The following RAB11FIP3 variants were observed in gnomAD, a reference collection of about 807,000 sequenced individuals.
RAB11FIP3 encodes the protein rab11 family-interacting protein 3.
Under a neutral mutation model 77.8 loss-of-function variants are expected in RAB11FIP3, and 17 were observed. The ratio of observed to expected loss-of-function variants is 0.22; its 90% CI spans 0.15 to 0.33. The LOEUF is 0.33. Ranked by LOEUF, RAB11FIP3 falls within the 10% of genes least tolerant of loss-of-function variation. The probability of loss-of-function intolerance (pLI) is 1.00; values close to 1 mark genes in which losing one functional copy is unlikely to be tolerated. For synonymous variants in RAB11FIP3, 437 were observed against 448.2 expected (o/e 0.98, Z 0.31); for missense variants, 1,005 against 1,011.2 (o/e 0.99, Z 0.08).
In RAB11FIP3 at chr16:461,960, T is replaced by C. The variant is rs916746821; in HGVS notation, c.808+463T>C. 6.6e-6 allele frequency among the ~76,000 whole-genome samples: 1 copy of C among 152,228 alleles called. No homozygotes were observed. Among genetic ancestry groups the C allele is most frequent in the Non-Finnish European group, 1.5e-5 (1 of 68,044 alleles). ...CTTCCGCGCACACCGCCCTGAACAC[T>C]GCAGCCCGTACCACCATCGTTCCCT... is the stretch of plus-strand genomic sequence containing the variant. On this transcript the variant is annotated intron_variant, in intron 2 of 13. Coordinates refer to ENST00000262305, the MANE Select transcript of RAB11FIP3 (RefSeq NM_014700.4). The surrounding 1 kb of genome is among the most constrained non-coding windows in gnomAD (Gnocchi z 4.5).
At chr16:449,330 G>C (rs1386881307) in intron 1 of RAB11FIP3, among the ~76,000 whole-genome samples, 8 of 152,160 alleles carry the variant, frequency 5.3e-5, no homozygotes, top group Admixed American at 3.3e-4. Flanking sequence ...AGCTCCTTGA[G>C]GTTATAGAAC....
intron 1 of RAB11FIP3, among the ~76,000 whole-genome samples, chr16:427,579 T>C (rs2054970129): frequency 6.6e-6 from 1 of 152,258 alleles, no homozygotes; most frequent in Admixed American, 6.5e-5. Flanking sequence ...GTGTGTGTTC[T>C]GCCAATAACC....
At chr16:489,115 T>C in intron 5 of RAB11FIP3, 115 bp downstream of exon 5, 1 of 1,241,052 alleles carries the variant, frequency 8.1e-7, no homozygotes, top group Non-Finnish European at 1.1e-6. Flanking sequence ...CTTGACGTCA[T>C]GTGATTAAGT....
At chr16:520,637 C>T in intron 13 of RAB11FIP3, 38 bp downstream of exon 13, 1 of 1,610,824 alleles carries the variant, frequency 6.2e-7, no homozygotes. Context: ...GGCCTGGGGT[C>T]CACAGTCTGC....
At chr16:477,624 C>T (rs1297023455) in intron 3 of RAB11FIP3, 1 of 985,316 alleles carries the variant, frequency 1.0e-6, no homozygotes, top group Non-Finnish European at 1.2e-6. Context: ...CTGGGCCCTG[C>T]CGTCCTGCAG....
At chr16:440,267 T>A (rs2974815) in intron 1 of RAB11FIP3, among the ~76,000 whole-genome samples, 8,875 of 152,286 alleles carry the variant, frequency 0.058, 267 homozygotes, top group Non-Finnish European at 0.068. Flanking sequence ...AATTTCTGTG[T>A]TCCTTTTTCT....
chr16:482,593 G>A lies in RAB11FIP3; in HGVS notation c.972G>A (p.Thr324=), dbSNP rs371667130. Residue 324 remains threonine (T), a synonymous_variant, in exon 4 of 14, where the codon ACG becomes ACA. Transcript: ENST00000262305. Reference sequence around the variant, plus strand: ...CCTACAGTGAGTGTGAGACCTTCACGGACGAGGACACCAGCACCCTGGTGC... The same window carrying A: ...CCTACAGTGAGTGTGAGACCTTCACAGACGAGGACACCAGCACCCTGGTGC... ...ESTYSECETF[T]DEDTSTLVHP... 4.2e-5 allele frequency: 68 copies of A among 1,613,496 alleles called. No individual in the cohort carries two copies. In the East Asian group the frequency reaches 4.2e-4, roughly 10 times the overall value.
chr16:500,453 C>T (rs986894317), intron 6 of RAB11FIP3, among the ~76,000 whole-genome samples: 5 of 151,926 alleles, frequency 3.3e-5, no homozygotes, highest in East Asian at 1.9e-4. Flanking sequence ...GGGGCCGAGG[C>T]GCACAGATCA....
intron 1 of RAB11FIP3, among the ~76,000 whole-genome samples, chr16:450,994 CTT>C (rs1416509126): frequency 2.0e-5 from 3 of 152,036 alleles, no homozygotes; most frequent in Admixed American, 6.6e-5. Context: ...TGTGTGGACT[CTT>C]TGGTTGCTTT....
intron 1 of RAB11FIP3, among the ~76,000 whole-genome samples, chr16:431,355 C>T (rs1445345773): frequency 6.6e-6 from 1 of 151,610 alleles, no homozygotes; most frequent in African/African-American, 2.4e-5. Flanking sequence ...ATAACATTCC[C>T]ATTATTTTAC....
chr16:497,094 G>C, intron 6 of RAB11FIP3: 8 of 550,834 alleles, frequency 1.5e-5, no homozygotes, highest in Non-Finnish European at 2.4e-5. Context: ...AGCTTTTGGT[G>C]CTGGGCCTCT....
At chr16:455,426 A>G (rs893002034) in intron 1 of RAB11FIP3, among the ~76,000 whole-genome samples, 5 of 151,198 alleles carry the variant, frequency 3.3e-5, no homozygotes, top group Non-Finnish European at 7.4e-5. Context: ...GTGAGCTGAG[A>G]TCACACCACT....
intron 1 of RAB11FIP3, among the ~76,000 whole-genome samples, chr16:436,337 A>G (rs7204572): frequency 0.59 from 89,085 of 152,044 alleles, 26,373 homozygotes; most frequent in East Asian, 0.69. Flanking sequence ...TGGGATCTCA[A>G]TTTGTTGTCT....
Position 520,178 on chromosome 16 carries a change from C to G in RAB11FIP3, c.1917C>G (p.Ala639=). 1 of 1,546,692 alleles carries G rather than the reference C, an allele frequency of 6.5e-7. No individual in the cohort carries two copies. Among genetic ancestry groups the G allele is most frequent in the Non-Finnish European group, 8.7e-7 (1 of 1,148,160 alleles). Reference sequence around the variant, plus strand: ...ACCTGCAGCTCCTCAAGCTGGAGGCCGAGCAGCGGCGGGGCCGCAGCAGCA... The same window carrying G: ...ACCTGCAGCTCCTCAAGCTGGAGGCGGAGCAGCGGCGGGGCCGCAGCAGCA... The part of the protein sequence containing the change: ...LEHLQLLKLE[A]EQRRGRSSSM... The change falls in exon 12 of 14, where the codon GCC becomes GCG. Residue 639 remains alanine (A), a synonymous_variant. Coordinates refer to ENST00000262305, the MANE Select transcript of RAB11FIP3 (RefSeq NM_014700.4).
rs924891607 is a variant in RAB11FIP3 at position 472,328 on chromosome 16, G to A, written c.903+939G>A. Reference sequence around the variant, plus strand: ...GGGGGTGGTTCTGCCTTACGGCGGTGTCCCAGTTATCAGCTGGGCTGCAGC... The same window carrying A: ...GGGGGTGGTTCTGCCTTACGGCGGTATCCCAGTTATCAGCTGGGCTGCAGC... On this transcript the variant is annotated intron_variant, in intron 3 of 13. Coordinates refer to ENST00000262305, the MANE Select transcript of RAB11FIP3 (RefSeq NM_014700.4). The surrounding 1 kb of genome is among the most constrained non-coding windows in gnomAD (Gnocchi z 4.1). Among the ~76,000 whole-genome samples, 1 of 152,234 alleles carries A rather than the reference G, an allele frequency of 6.6e-6. No individual in the cohort carries two copies. The highest frequency in any genetic ancestry group is 1.5e-5 in the Non-Finnish European group (1 of 68,036).
intron 3 of RAB11FIP3, among the ~76,000 whole-genome samples, chr16:473,472 C>G (rs1277032340): frequency 6.6e-6 from 1 of 152,190 alleles, no homozygotes; most frequent in Non-Finnish European, 1.5e-5. Context: ...CTCTATTACT[C>G]AGGCTGGAGT....
Position 505,450 on chromosome 16 carries a change from C to T in RAB11FIP3, c.1396-74C>T. The T allele has an allele frequency of 8.2e-7, 1 of 1,225,154 alleles. No homozygotes were observed. The allele number at this position is 1,225,154 out of a possible 1,614,324, so 75.9% of individuals were successfully genotyped here. On this transcript the variant is annotated intron_variant, in intron 7 of 13. Transcript: ENST00000262305. The surrounding 1 kb of genome is among the most constrained non-coding windows in gnomAD (Gnocchi z 4.0). The stretch of plus-strand genomic sequence containing the variant: ...CTGAGAAAATCCCCAGGCGGCCTCC[C>T]AGGTTGTTCCCTTGGGGGTGCAGGC...
At chr16:515,734 C>T (rs886241119) in intron 9 of RAB11FIP3, among the ~76,000 whole-genome samples, 5 of 151,644 alleles carry the variant, frequency 3.3e-5, no homozygotes, top group Non-Finnish European at 5.9e-5. Flanking sequence ...ACGGCCGACA[C>T]GTGTTGGGGT....
At chr16:464,454 A>G (rs908943671) in intron 2 of RAB11FIP3, among the ~76,000 whole-genome samples, 2 of 152,140 alleles carry the variant, frequency 1.3e-5, no homozygotes, top group African/African-American at 4.8e-5. Context: ...TCCTCCCTCC[A>G]GGCCTTCTGG....
Sources: gnomAD v4.1 joint callset for allele counts (sites outside exome capture counted in the v4.1 genomes callset) on GRCh38, gnomAD v4.1.1 for gene constraint, Gnocchi (gnomAD v3.1) non-coding constraint, MANE v1.5 for transcripts, NCBI Gene and HGNC (gene_info 2026-07-23, HGNC 2026-07-21) for gene names.